The following SLC16A3 variants were observed in gnomAD, a reference collection of about 807,000 sequenced individuals.
SLC16A3 encodes solute carrier family 16 member 3.
Under a neutral mutation model 25.0 loss-of-function variants are expected in SLC16A3, and 22 were observed. The ratio of observed to expected loss-of-function variants is 0.88; its 90% CI spans 0.63 to 1.26. SLC16A3 has a LOEUF of 1.26. Ranked by LOEUF, SLC16A3 falls within the 50% of genes most tolerant of loss-of-function variation. SLC16A3 has a pLI of 0.00. For missense variants in SLC16A3, 731 were observed against 666.6 expected, an observed-to-expected ratio of 1.10 and a Z score of -1.06; for synonymous variants, 390 against 309.2, an observed-to-expected ratio of 1.26 and a Z score of -2.74.
rs765629273 is a variant in SLC16A3 at position 82,237,848 on chromosome 17, C to A, written c.1078C>A (p.Leu360Met). 1 of 1,605,884 alleles carries A rather than the reference C, an allele frequency of 6.2e-7. No individual in the cohort carries two copies. The highest frequency in any genetic ancestry group is 1.1e-5 in the South Asian group (1 of 91,088). ...HKFSSAIGLV[L>M]LMEAVAVLVG... ...GTTCTCCAGTGCCATTGGCCTGGTGCTGCTGATGGAGGCGGTGGCCGTGCT... is the reference window on the plus strand; with the variant it reads ...GTTCTCCAGTGCCATTGGCCTGGTGATGCTGATGGAGGCGGTGGCCGTGCT... The change falls in exon 4 of 5, where the codon CTG becomes ATG. Residue 360 changes from leucine to methionine, a missense_variant. Transcript: ENST00000582743.
Position 82,229,075 on chromosome 17 carries a change from A to C in SLC16A3, c.-58A>C, listed in dbSNP as rs1322439932. Reference sequence around the variant, plus strand: ...CGGGCAGAGGCGGCGAGAGGCGGCGAGAGGCGGGCTGAGGCGGCCCAGCGG... The same window carrying C: ...CGGGCAGAGGCGGCGAGAGGCGGCGCGAGGCGGGCTGAGGCGGCCCAGCGG... On this transcript the variant is annotated 5_prime_UTR_variant, in exon 1 of 5. Coordinates refer to ENST00000582743, the MANE Select transcript of SLC16A3 (RefSeq NM_004207.4). 8.5e-6 allele frequency: 1 copy of C among 118,248 alleles called. No homozygotes were observed. Among genetic ancestry groups the C allele is most frequent in the Non-Finnish European group, 1.8e-5 (1 of 55,556 alleles). The allele number at this position is 118,248 out of a possible 1,614,324, so 7.3% of individuals were successfully genotyped here.
Position 82,239,336 on chromosome 17 carries a change from G to A in SLC16A3, c.*360G>A. Reference sequence around the variant, plus strand: ...GGTGGGCCGCAGACAGGCTGGCAGGGCAGGTGCTGCGTGGGGCCCTCTCCA... The same window carrying A: ...GGTGGGCCGCAGACAGGCTGGCAGGACAGGTGCTGCGTGGGGCCCTCTCCA... On this transcript the variant is annotated 3_prime_UTR_variant, in exon 5 of 5. Coordinates refer to ENST00000582743, the MANE Select transcript of SLC16A3 (RefSeq NM_004207.4). The A allele has an allele frequency of 4.8e-6, 1 of 209,594 alleles. No homozygotes were observed. The highest frequency in any genetic ancestry group is 1.3e-4 in the South Asian group (1 of 7,712). 13.0% of individuals were successfully genotyped at this position (209,594 alleles called of 1,614,324 possible).
chr17:82,238,943 G>A lies in SLC16A3; in HGVS notation c.1365G>A (p.Gly455=), dbSNP rs781565300. ...HFLKAEPEKN[G]EVVHTPETSV ...TGAAGGCTGAGCCTGAGAAAAACGGGGAGGTGGTTCACACCCCGGAAACAA... is the reference window on the plus strand; with the variant it reads ...TGAAGGCTGAGCCTGAGAAAAACGGAGAGGTGGTTCACACCCCGGAAACAA... The change falls in exon 5 of 5, where the codon GGG becomes GGA. Residue 455 remains glycine, a synonymous_variant. Coordinates refer to ENST00000582743, the MANE Select transcript of SLC16A3 (RefSeq NM_004207.4). The A allele has an allele frequency of 4.5e-6, 7 of 1,563,280 alleles. No homozygotes were observed. The African/African-American group carries it at 8.1e-5, about 18-fold the overall frequency.
rs531221899 is a variant in SLC16A3 at position 82,240,000 on chromosome 17, G to C, written c.*1024G>C. The C allele has an allele frequency of 4.1e-6, 5 of 1,233,740 alleles. No individual in the cohort carries two copies. In the African/African-American group the frequency reaches 6.2e-5, roughly 15 times the overall value. 76.4% of individuals were successfully genotyped at this position (1,233,740 alleles called of 1,614,324 possible). A position where few individuals can be genotyped will look rare whatever the true frequency, so the allele number is the denominator to read the frequency against. On this transcript the variant is annotated 3_prime_UTR_variant, in exon 5 of 5. Transcript: ENST00000582743. ...CTCAGTAGGTGCGTCGTGGGCGCTG[G>C]GGACGGCAGCGGGTGCCCTGGCGGG...
intron 1 of SLC16A3, among the ~76,000 whole-genome samples, chr17:82,219,957 A>C (rs1425958997): frequency 6.6e-6 from 1 of 152,042 alleles, no homozygotes; most frequent in Non-Finnish European, 1.5e-5. Context: ...GGGCAGGTGG[A>C]GCAGAGAAAG....
At chr17:82,229,375 G>C (rs1202035072) in intron 1 of SLC16A3, 1 of 152,214 alleles carries the variant, frequency 6.6e-6, no homozygotes, top group Admixed American at 6.5e-5. Context: ...CCACCCGTCG[G>C]GCTGCCCTCA....
chr17:82,235,847 G>A (rs2050587175), intron 1 of SLC16A3, 136 bp from the exon 2 acceptor site: 3 of 631,018 alleles, frequency 4.8e-6, no homozygotes, highest in South Asian at 1.9e-5. Flanking sequence ...CACCAGGTCA[G>A]GGGGCCACAA....
intron 1 of SLC16A3, chr17:82,231,103 C>A (rs909592142): frequency 1.3e-5 from 2 of 152,148 alleles, no homozygotes; most frequent in African/African-American, 4.8e-5. Context: ...AATACGGGGG[C>A]TCCTCCCATG....
At chr17:82,235,586 G>A (rs368824175) in intron 1 of SLC16A3, 4 of 245,248 alleles carry the variant, frequency 1.6e-5, no homozygotes, top group South Asian at 5.1e-5. Flanking sequence ...CGGAGGTGCC[G>A]TCTGCTGCCA....
chr17:82,223,742 G>C (rs946591161), upstream of SLC16A3, among the ~76,000 whole-genome samples: 1 of 152,006 alleles, frequency 6.6e-6, no homozygotes, highest in South Asian at 2.1e-4. Context: ...AAGAGACTGA[G>C]GTCCAGAGAG....
chr17:82,218,569 T>C (rs1401988067), intron 1 of SLC16A3, among the ~76,000 whole-genome samples: 1 of 152,082 alleles, frequency 6.6e-6, no homozygotes, highest in African/African-American at 2.4e-5. Flanking sequence ...AGGAGCCATG[T>C]GTAAGGTGCC....
At chr17:82,234,181 A>G (rs2050557561) in intron 1 of SLC16A3, 1 of 152,202 alleles carries the variant, frequency 6.6e-6, no homozygotes, top group Admixed American at 6.5e-5. Context: ...ACCCTGCTGT[A>G]TACTGTCATC....
intron 1 of SLC16A3, chr17:82,232,166 C>G (rs922007813): frequency 1.3e-5 from 2 of 152,136 alleles, no homozygotes; most frequent in Non-Finnish European, 2.9e-5. Context: ...ACGAATTACC[C>G]TTTTCCTGCC....
rs1407248382 is a variant in SLC16A3, at chr17:82,239,777, C to T, written c.*801C>T. The stretch of plus-strand genomic sequence containing the variant: ...TGCTGTGTTTAAGAAACAGGACCCT[C>T]CTGCCTTCCCTTTTTCGCCCCTCTG... On this transcript the variant is annotated 3_prime_UTR_variant, in exon 5 of 5. Coordinates refer to ENST00000582743, the MANE Select transcript of SLC16A3 (RefSeq NM_004207.4). 2 of 395,780 alleles carry T rather than the reference C, an allele frequency of 5.1e-6. No individual in the cohort carries two copies. The highest frequency in any genetic ancestry group is 7.2e-5 in the East Asian group (2 of 27,886). 24.5% of individuals were successfully genotyped at this position (395,780 alleles called of 1,614,324 possible).
At chr17:82,232,635 T>TA (rs1310849525) in intron 1 of SLC16A3, among the ~76,000 whole-genome samples, 1 of 152,214 alleles carries the variant, frequency 6.6e-6, no homozygotes, top group Non-Finnish European at 1.5e-5. Flanking sequence ...AATCCTGGTC[T>TA]AAAGCCAGGG....
chr17:82,229,046 G>A lies in SLC16A3; in HGVS notation c.-87G>A, dbSNP rs1568532421. The A allele has an allele frequency of 1.3e-5, 1 of 76,734 alleles. No homozygotes were observed. The highest frequency in any genetic ancestry group is 6.4e-5 in the African/African-American group (1 of 15,684). 4.8% of individuals were successfully genotyped at this position (76,734 alleles called of 1,614,324 possible). A position where few individuals can be genotyped will look rare whatever the true frequency, so the allele number is the denominator to read the frequency against. ...GCCCCCGGCGCGGAGCGGACCGGCA[G>A]AGGCGGGCAGAGGCGGCGAGAGGCG... On this transcript the variant is annotated 5_prime_UTR_variant, in exon 1 of 5. Transcript: ENST00000582743.
intron 3 of SLC16A3, 51 bp from the exon 4 acceptor site, chr17:82,237,087 C>A: frequency 6.8e-7 from 1 of 1,466,666 alleles, no homozygotes; most frequent in Non-Finnish European, 9.0e-7. Flanking sequence ...ATGAGGGTCT[C>A]GGGCTTTGGG....
chr17:82,221,584 T>C (rs1229605546), intron 1 of SLC16A3, among the ~76,000 whole-genome samples: 2 of 92,960 alleles, frequency 2.2e-5, no homozygotes, highest in East Asian at 4.3e-4. Flanking sequence ...TAAAAGAGAA[T>C]GAAACTAAAC....
At chr17:82,218,398 AG>A (rs1450307088) in intron 1 of SLC16A3, among the ~76,000 whole-genome samples, 1 of 117,692 alleles carries the variant, frequency 8.5e-6, no homozygotes, top group African/African-American at 3.6e-5. Context: ...TGGACGGCCA[AG>A]GGGAGCCCAG....
Sources: gnomAD v4.1 joint callset for allele counts (sites outside exome capture counted in the v4.1 genomes callset) on GRCh38, gnomAD v4.1.1 for gene constraint, MANE v1.5 for transcripts, NCBI Gene and HGNC (gene_info 2026-07-23, HGNC 2026-07-21) for gene names.